Variants in HDGFL2 observed in about 807,000 individuals in gnomAD.
HDGFL2 encodes the protein hepatoma-derived growth factor-related protein 2.
HDGFL2 carries 36 observed loss-of-function variants against 77.1 expected under a neutral mutation model. The observed-to-expected ratio is 0.47, with a 90% confidence interval of 0.36 to 0.62. The LOEUF (loss-of-function observed/expected upper bound fraction) is 0.62. Ranked by LOEUF, HDGFL2 falls within the 20% of genes least tolerant of loss-of-function variation. HDGFL2 has a pLI of 0.00. For missense variants in HDGFL2, 976 were observed against 973.4 expected (o/e 1.00, Z -0.04); for synonymous variants, 463 against 413.1 (o/e 1.12, Z -1.46).
intron 4 of HDGFL2, among the ~76,000 whole-genome samples, chr19:4,490,627 C>G (rs1975481841): frequency 6.6e-6 from 1 of 152,208 alleles, no homozygotes; most frequent in South Asian, 2.1e-4. Flanking sequence ...GGACCAGATT[C>G]TAGCAGCAAA....
chr19:4,493,117 C>G (rs535673198), intron 6 of HDGFL2, among the ~76,000 whole-genome samples: 12 of 76,540 alleles, frequency 1.6e-4, no homozygotes, highest in South Asian at 4.9e-4. Flanking sequence ...TGTGTGTTGT[C>G]TGTGTGTGGT....
At chr19:4,472,995 C>T (rs1192754951) in intron 1 of HDGFL2, among the ~76,000 whole-genome samples, 1 of 150,102 alleles carries the variant, frequency 6.7e-6, no homozygotes, top group Admixed American at 6.6e-5. Context: ...GGTTTTGGGG[C>T]TCAGAGAGTC....
In HDGFL2 at chr19:4,501,192, T is replaced by C. The variant is rs758783295; in HGVS notation, c.1791T>C (p.Asp597=). ...QEKAEDKPST[D]LSAPVNGEAT... ...CTGTGACCCCTCTGTCCCACCCAGA[T>C]CTCTCAGCCCCAGTGAATGGCGAGG... The change falls in exon 15 of 16, where the codon GAT becomes GAC. Residue 597 remains aspartate, a splice_region_variant and synonymous_variant. Transcript: ENST00000616600. 3.7e-6 allele frequency: 6 copies of C among 1,613,044 alleles called. No homozygotes were observed. Among genetic ancestry groups the C allele is most frequent in the Non-Finnish European group, 5.1e-6 (6 of 1,179,846 alleles).
At chr19:4,498,557 C>A (rs1975770746) in intron 12 of HDGFL2, among the ~76,000 whole-genome samples, 181 bp downstream of exon 12, 1 of 151,936 alleles carries the variant, frequency 6.6e-6, no homozygotes, top group Non-Finnish European at 1.5e-5. Flanking sequence ...GGGAGCTGGT[C>A]CTGACATGCA....
intron 1 of HDGFL2, among the ~76,000 whole-genome samples, chr19:4,473,114 G>A (rs546613235): frequency 2.0e-5 from 3 of 151,230 alleles, no homozygotes; most frequent in South Asian, 2.1e-4. Context: ...GGGGTCCCGG[G>A]CCCGAGGAAG....
At chr19:4,493,256 G>C (rs1194361730) in intron 6 of HDGFL2, among the ~76,000 whole-genome samples, 1 of 127,014 alleles carries the variant, frequency 7.9e-6, no homozygotes, top group African/African-American at 3.1e-5. Flanking sequence ...TGTGTTGTCT[G>C]TGTGTGTGTG....
At chr19:4,501,128 C>G in intron 14 of HDGFL2, 63 bp from the exon 15 acceptor site, 2 of 1,603,088 alleles carry the variant, frequency 1.2e-6, no homozygotes, top group Admixed American at 1.7e-5. Flanking sequence ...CCTTGACAGG[C>G]AAGGGTTCTG....
At chr19:4,489,749 A>T (rs1159053872) in intron 4 of HDGFL2, among the ~76,000 whole-genome samples, 2 of 152,204 alleles carry the variant, frequency 1.3e-5, no homozygotes, top group Non-Finnish European at 2.9e-5. Context: ...ATTTAAAAAA[A>T]ATTGAGTTAT....
chr19:4,483,802 T>C (rs1284361558), intron 3 of HDGFL2, among the ~76,000 whole-genome samples: 1 of 148,780 alleles, frequency 6.7e-6, no homozygotes, highest in Admixed American at 6.7e-5. Flanking sequence ...TTTTTTTTTT[T>C]TTTTTTTGAG....
intron 9 of HDGFL2, 64 bp from the exon 10 acceptor site, chr19:4,496,238 G>A (rs551042726): frequency 7.5e-7 from 1 of 1,325,102 alleles, no homozygotes; most frequent in East Asian, 2.3e-5. Flanking sequence ...GTAGTGGGAT[G>A]GGCTAGGGGT....
chr19:4,488,179 C>T (rs1360377203), intron 3 of HDGFL2, among the ~76,000 whole-genome samples: 1 of 152,164 alleles, frequency 6.6e-6, no homozygotes, highest in East Asian at 1.9e-4. Context: ...CCATGTTGGC[C>T]AGGTTGGTCT....
intron 14 of HDGFL2, among the ~76,000 whole-genome samples, chr19:4,500,025 CTG>C (rs1200368572): frequency 4.5e-5 from 5 of 112,260 alleles, no homozygotes; most frequent in South Asian, 3.0e-4. Flanking sequence ...GGGGGTGGCT[CTG>C]TGCAGCGGGG....
At chr19:4,477,262 A>G (rs1226532082) in intron 3 of HDGFL2, among the ~76,000 whole-genome samples, 3 of 152,186 alleles carry the variant, frequency 2.0e-5, no homozygotes, top group African/African-American at 7.2e-5. Flanking sequence ...GGGATGAGTC[A>G]GGCACAGTCC....
In HDGFL2 at chr19:4,498,316, G is replaced by C; in HGVS notation, c.1413G>C (p.Val471=). The C allele has an allele frequency of 1.2e-6, 2 of 1,613,536 alleles. No homozygotes were observed. Among genetic ancestry groups the C allele is most frequent in the Non-Finnish European group, 1.7e-6 (2 of 1,179,916 alleles). Residue 471 remains valine (V), a synonymous_variant, in exon 12 of 16, where the codon GTG becomes GTC. Coordinates refer to ENST00000616600, the MANE Select transcript of HDGFL2 (RefSeq NM_001001520.3). ...TCTCTCCTGGCCCAGAGCCCTCCGT[G>C]GAGGAGAAGCTGCAGAAGCTGCACA... ...RKVEKKKEPS[V]EEKLQKLHSE... is the part of the protein sequence containing the mutation.
Position 4,475,550 on chromosome 19 carries a change from G to A in HDGFL2, c.255G>A (p.Gln85=), listed in dbSNP as rs765102500. ...TCAATGAAGGGCTGTGGGAGATCCAGAACAACCCCCACGCCAGCTACAGCG... is the reference window on the plus strand; with the variant it reads ...TCAATGAAGGGCTGTGGGAGATCCAAAACAACCCCCACGCCAGCTACAGCG... ...KGFNEGLWEI[Q]NNPHASYSAP... is the part of the protein sequence containing the mutation. Residue 85 remains glutamine (Q), a synonymous_variant, in exon 3 of 16, where the codon CAG becomes CAA. Transcript: ENST00000616600. The A allele has an allele frequency of 6.3e-6, 10 of 1,588,778 alleles. No homozygotes were observed. In the East Asian group the frequency reaches 2.2e-4, roughly 35 times the overall value.
intron 1 of HDGFL2, among the ~76,000 whole-genome samples, chr19:4,473,025 G>A (rs565129587): frequency 2.7e-4 from 41 of 150,888 alleles, no homozygotes; most frequent in African/African-American, 9.5e-4. Context: ...GAGTCTGGGG[G>A]TATCCTGGGC....
intron 3 of HDGFL2, among the ~76,000 whole-genome samples, chr19:4,484,376 G>T (rs958829837): frequency 1.3e-5 from 2 of 152,102 alleles, no homozygotes; most frequent in Non-Finnish European, 2.9e-5. Context: ...GAGCCACCAC[G>T]CCCGGCCTGT....
chr19:4,482,321 T>C (rs1013847289), intron 3 of HDGFL2, among the ~76,000 whole-genome samples: 1 of 152,048 alleles, frequency 6.6e-6, no homozygotes, highest in Non-Finnish European at 1.5e-5. Flanking sequence ...GTGATTCTCC[T>C]GTCTCAGCCT....
intron 3 of HDGFL2, among the ~76,000 whole-genome samples, chr19:4,478,153 G>A (rs537061649): frequency 4.6e-5 from 7 of 151,076 alleles, no homozygotes; most frequent in African/African-American, 7.3e-5. Context: ...TGTAAGATGG[G>A]AGCCCTGAAG....
Sources: allele counts gnomAD v4.1 joint callset (sites outside exome capture counted in the v4.1 genomes callset), GRCh38; gene constraint gnomAD v4.1.1; transcripts MANE v1.5; gene names NCBI Gene and HGNC (gene_info 2026-07-23, HGNC 2026-07-21).